Variants in UXS1 observed in about 807,000 individuals in gnomAD.
UXS1 encodes the protein UDP-glucuronate decarboxylase 1.
UXS1 carries 33 observed loss-of-function variants against 62.6 expected under a neutral mutation model. The ratio of observed to expected loss-of-function variants is 0.53; its 90% CI spans 0.40 to 0.70. UXS1 has a LOEUF of 0.70. UXS1 is among the 30% of genes least tolerant of loss of function. The pLI is 0.00. For missense variants in UXS1, 434 were observed against 556.3 expected, an observed-to-expected ratio of 0.78 and a Z score of 2.21; for synonymous variants, 213 against 206.8, an observed-to-expected ratio of 1.03 and a Z score of -0.26.
At chr2:106,192,215 A>C (rs1009169653) in intron 1 of UXS1, among the ~76,000 whole-genome samples, 22 of 152,366 alleles carry the variant, frequency 1.4e-4, no homozygotes, top group Admixed American at 2.6e-4. Flanking sequence ...TTCAGGGACA[A>C]CAGTAAGGAC....
chr2:106,099,677 C>T (rs4851112), intron 12 of UXS1, among the ~76,000 whole-genome samples: 12,843 of 152,286 alleles, frequency 0.084, 1,069 homozygotes, highest in East Asian at 0.38. Flanking sequence ...AAGAGCCTGG[C>T]TGCCCAGGGA....
At chr2:106,181,448 G>A (rs1473055311) in intron 1 of UXS1, among the ~76,000 whole-genome samples, 1 of 152,332 alleles carries the variant, frequency 6.6e-6, no homozygotes, top group Non-Finnish European at 1.5e-5. Context: ...GCGGGGCGTG[G>A]TGGCTCACAC....
rs537491347 is a variant in UXS1 at position 106,143,175 on chromosome 2, A to G, written c.472+2015T>C. Among the ~76,000 whole-genome samples the G allele has an allele frequency of 7.3e-4, 111 of 151,988 alleles. 1 individual carries two copies. The highest frequency in any genetic ancestry group is 3.4e-3 in the Middle Eastern group (1 of 294). On this transcript the variant is annotated intron_variant, in intron 6 of 14. Transcript: ENST00000283148. ...TAATAGGTATCATTTGGGGGAGGTC[A>G]AGGTGGGCGGATCATGAGGGCAGGA...
At chr2:106,112,188 G>A (rs1274833349) in intron 10 of UXS1, among the ~76,000 whole-genome samples, 2 of 152,222 alleles carry the variant, frequency 1.3e-5, no homozygotes, top group African/African-American at 4.8e-5. Flanking sequence ...AGTCTCCCTG[G>A]GTTGAGGGTG....
rs146719022 is a variant in UXS1, at chr2:106,191,769, T to A, written c.94+2379A>T. The stretch of plus-strand genomic sequence containing the variant: ...CTCCTATGACTTCCCTGTTAACTCC[T>A]ACATAAGCCGTCCATTCTCAGCTCA... On this transcript the variant is annotated intron_variant, in intron 1 of 14. Coordinates refer to ENST00000283148, the MANE Select transcript of UXS1 (RefSeq NM_001253875.2). Among the ~76,000 whole-genome samples the A allele has an allele frequency of 2.4e-4, 36 of 152,376 alleles. No homozygotes were observed. In the East Asian group the frequency reaches 6.7e-3, roughly 29 times the overall value.
intron 6 of UXS1, among the ~76,000 whole-genome samples, chr2:106,140,808 T>TA (rs759404577): frequency 6.6e-6 from 1 of 152,212 alleles, no homozygotes; most frequent in Admixed American, 6.5e-5. Flanking sequence ...TCAACAGAGA[T>TA]ACTACAAGTT....
At chr2:106,173,395 A>G (rs754541527) in intron 1 of UXS1, among the ~76,000 whole-genome samples, 23 of 152,236 alleles carry the variant, frequency 1.5e-4, no homozygotes, top group South Asian at 6.2e-4. Context: ...TCTACAAAAA[A>G]ATACAAAAAT....
intron 5 of UXS1, among the ~76,000 whole-genome samples, chr2:106,156,791 T>C (rs939288063): frequency 4.3e-4 from 65 of 152,206 alleles, no homozygotes; most frequent in African/African-American, 9.4e-4. Flanking sequence ...GCCATAACCA[T>C]TGTGCACCTA....
intron 1 of UXS1, among the ~76,000 whole-genome samples, chr2:106,169,876 A>G (rs1386969469): frequency 4.6e-5 from 7 of 151,946 alleles, no homozygotes; most frequent in Non-Finnish European, 1.0e-4. Context: ...GGTGACGCCC[A>G]TGCTTCCCAG....
intron 7 of UXS1, among the ~76,000 whole-genome samples, chr2:106,127,860 C>A (rs906516041): frequency 6.6e-6 from 1 of 152,328 alleles, no homozygotes; most frequent in South Asian, 2.1e-4. Flanking sequence ...ATAGCTCAAG[C>A]CCTAGCTCGA....
intron 4 of UXS1, chr2:106,160,403 A>T (rs1335002991): frequency 6.6e-6 from 1 of 152,198 alleles, no homozygotes; most frequent in South Asian, 2.1e-4. Flanking sequence ...AAAACGCTGG[A>T]GCCGTCTCTG....
intron 6 of UXS1, among the ~76,000 whole-genome samples, chr2:106,139,290 T>C (rs905805455): frequency 7.9e-5 from 12 of 151,994 alleles, no homozygotes; most frequent in Non-Finnish European, 1.2e-4. Context: ...GCTAGAAAAA[T>C]AGAAGTCTCA....
At chr2:106,187,495 A>G (rs541586925) in intron 1 of UXS1, among the ~76,000 whole-genome samples, 7 of 152,342 alleles carry the variant, frequency 4.6e-5, no homozygotes, top group South Asian at 2.1e-4. Context: ...TGATTATATT[A>G]AGGGCAAAAC....
At chr2:106,177,285 G>A (rs562563786) in intron 1 of UXS1, among the ~76,000 whole-genome samples, 108 of 144,192 alleles carry the variant, frequency 7.5e-4, no homozygotes, top group African/African-American at 2.5e-3. Flanking sequence ...AACCTTTGCC[G>A]CCCGGGTTCA....
Position 106,164,802 on chromosome 2 carries a change from A to G in UXS1, c.123-3T>C. On this transcript the variant is annotated splice_region_variant and splice_polypyrimidine_tract_variant and intron_variant, in intron 2 of 14. Transcript: ENST00000283148. ...GGATAGACCTGTTGAGTAGAAAGCT[A>G]TAAAACTGAGATCAACTGAAAGGCT... 2 of 1,581,124 alleles carry G rather than the reference A, an allele frequency of 1.3e-6. No homozygotes were observed. Among genetic ancestry groups the G allele is most frequent in the Non-Finnish European group, 1.7e-6 (2 of 1,164,382 alleles).
intron 1 of UXS1, among the ~76,000 whole-genome samples, chr2:106,188,670 C>G (rs1573598905): frequency 1.3e-5 from 2 of 152,172 alleles, no homozygotes; most frequent in Admixed American, 6.5e-5. Flanking sequence ...TGACAATAGC[C>G]CGGGAGGACC....
chr2:106,186,286 G>A (rs1260025041), intron 1 of UXS1, among the ~76,000 whole-genome samples: 1 of 152,104 alleles, frequency 6.6e-6, no homozygotes. Flanking sequence ...GGGTCACACT[G>A]AACAGTGTCA....
At chr2:106,111,033 T>C (rs1296091780) in intron 10 of UXS1, among the ~76,000 whole-genome samples, 1 of 152,210 alleles carries the variant, frequency 6.6e-6, no homozygotes, top group African/African-American at 2.4e-5. Flanking sequence ...AACAGGGCTG[T>C]GTCCCGTGCT....
In UXS1 at chr2:106,127,580, G is replaced by A. The variant is rs527801694; in HGVS notation, c.578-1901C>T. ...TGCTGCTGTAGTGTCTGGGGGTTAC[G>A]AAAAACTTTCATCAGAGAAAGAACT... is the stretch of plus-strand genomic sequence containing the variant. On this transcript the variant is annotated intron_variant, in intron 7 of 14. Transcript: ENST00000283148. Among the ~76,000 whole-genome samples the A allele has an allele frequency of 1.1e-4, 17 of 152,282 alleles. No homozygotes were observed. In the East Asian group the frequency reaches 3.1e-3, roughly 28 times the overall value.
Sources: allele counts gnomAD v4.1 joint callset (sites outside exome capture counted in the v4.1 genomes callset), GRCh38; gene constraint gnomAD v4.1.1; transcripts MANE v1.5; gene names NCBI Gene and HGNC (gene_info 2026-07-23, HGNC 2026-07-21).